The following ARHGEF33 variants were observed in gnomAD, a reference collection of about 807,000 sequenced individuals.
The protein encoded by ARHGEF33 is DH and coiled-coil domain-containing protein ENSP00000381780.
In ARHGEF33, 72 loss-of-function variants were observed where a neutral mutation model predicts 101.9. The observed-to-expected ratio is 0.71, with a 90% CI of 0.58 to 0.86. The LOEUF is 0.86. Among genes scored for constraint, ARHGEF33 ranks in the 40% least tolerant of loss-of-function variants. The probability of loss-of-function intolerance (pLI) is 0.00; values close to 1 mark genes in which losing one functional copy is unlikely to be tolerated. For missense variants in ARHGEF33, 1,169 were observed against 1,111.3 expected (o/e 1.05, Z -0.74); for synonymous variants, 499 against 442.5 (o/e 1.13, Z -1.60).
At chr2:38,901,827 A>G (rs1046280765) in intron 2 of ARHGEF33, among the ~76,000 whole-genome samples, 4 of 152,194 alleles carry the variant, frequency 2.6e-5, no homozygotes, top group African/African-American at 9.7e-5. Flanking sequence ...ATTAACAACT[A>G]GCATGAGGCC....
At chr2:38,952,016 A>G (rs1330943884) in intron 11 of ARHGEF33, among the ~76,000 whole-genome samples, 1 of 152,210 alleles carries the variant, frequency 6.6e-6, no homozygotes, top group Non-Finnish European at 1.5e-5. Flanking sequence ...TCTACAAGGA[A>G]TAGCTACTCA....
At chr2:38,932,087 A>G (rs1469074643) in intron 7 of ARHGEF33, among the ~76,000 whole-genome samples, 1 of 152,206 alleles carries the variant, frequency 6.6e-6, no homozygotes, top group Non-Finnish European at 1.5e-5. Flanking sequence ...TTTAACTGGC[A>G]TACTTCAAAG....
rs1294868486 is a variant in ARHGEF33 at position 38,929,026 on chromosome 2, G to C, written c.195G>C (p.Met65Ile). ...EEKVKSCRCSMEEKVTEMKNS... is the reference protein window; with the variant it reads ...EEKVKSCRCSIEEKVTEMKNS... ...AGGTTAAGAGCTGCAGATGTTCCAT[G>C]GAAGAAAAAGTTACTGAGATGAAGA... The change falls in exon 5 of 18, where the codon ATG becomes ATC. Residue 65 changes from methionine (M) to isoleucine (I), a missense_variant. Coordinates refer to ENST00000409978, the MANE Select transcript of ARHGEF33 (RefSeq NM_001145451.5). 2 of 1,550,742 alleles carry C rather than the reference G, an allele frequency of 1.3e-6. No homozygotes were observed. The highest frequency in any genetic ancestry group is 1.7e-6 in the Non-Finnish European group (2 of 1,146,452).
chr2:38,951,655 G>A (rs1352713990), intron 11 of ARHGEF33, among the ~76,000 whole-genome samples: 2 of 151,312 alleles, frequency 1.3e-5, no homozygotes, highest in African/African-American at 4.9e-5. Flanking sequence ...ATATGCATCT[G>A]TGTATATATA....
At chr2:38,943,372 AG>A (rs1667361557) in intron 9 of ARHGEF33, among the ~76,000 whole-genome samples, 1 of 152,188 alleles carries the variant, frequency 6.6e-6, no homozygotes, top group Non-Finnish European at 1.5e-5. Context: ...AAGAAGGCTG[AG>A]GGAAGTCTCA....
intron 10 of ARHGEF33, 67 bp from the exon 11 acceptor site, chr2:38,950,922 G>T (rs1667584157): frequency 6.9e-7 from 1 of 1,452,776 alleles, no homozygotes; most frequent in East Asian, 2.5e-5. Flanking sequence ...CCTGCTGCAT[G>T]TATTTTTGTA....
At chr2:38,931,878 T>C (rs1667012026) in intron 7 of ARHGEF33, among the ~76,000 whole-genome samples, 1 of 152,218 alleles carries the variant, frequency 6.6e-6, no homozygotes. Context: ...TTAACGTTGT[T>C]TAGATGACAT....
intron 6 of ARHGEF33, among the ~76,000 whole-genome samples, chr2:38,930,540 T>A (rs1666975010): frequency 6.6e-6 from 1 of 152,070 alleles, no homozygotes; most frequent in Admixed American, 6.6e-5. Context: ...GAAATGGGTT[T>A]CCTTATGTTT....
At chr2:38,890,033 C>T (rs1317796229) in intron 1 of ARHGEF33, 47 bp downstream of exon 1, 9 of 402,952 alleles carry the variant, frequency 2.2e-5, no homozygotes, top group Admixed American at 2.9e-5. Context: ...AAAGGGGAAA[C>T]AATTTTATAA....
intron 12 of ARHGEF33, 98 bp downstream of exon 12, chr2:38,953,343 C>G (rs1667660110): frequency 2.7e-6 from 2 of 750,350 alleles, no homozygotes; most frequent in Non-Finnish European, 4.7e-6. Flanking sequence ...ACTGTGCTTT[C>G]TAGGCTGGGG....
chr2:38,961,884 A>AG (rs1435233929), intron 16 of ARHGEF33, among the ~76,000 whole-genome samples: 22 of 151,632 alleles, frequency 1.5e-4, no homozygotes, highest in Non-Finnish European at 3.1e-4. Context: ...GGGAAGAGTG[A>AG]GGTAGGGAAG....
intron 2 of ARHGEF33, among the ~76,000 whole-genome samples, chr2:38,896,944 C>G (rs569547118): frequency 5.9e-5 from 9 of 152,104 alleles, no homozygotes; most frequent in Admixed American, 3.9e-4. Flanking sequence ...GAGACTGAGT[C>G]TCACTCTGTC....
chr2:38,966,182 T>C, intron 17 of ARHGEF33, 37 bp downstream of exon 17: 1 of 1,542,408 alleles, frequency 6.5e-7, no homozygotes, highest in Non-Finnish European at 8.7e-7. Flanking sequence ...TTGTAACTCA[T>C]TTCCCTTTGG....
chr2:38,893,157 C>CTT (rs11302987), intron 1 of ARHGEF33, among the ~76,000 whole-genome samples: 2 of 122,300 alleles, frequency 1.6e-5, no homozygotes, highest in South Asian at 2.6e-4. Flanking sequence ...TCTGGTAATC[C>CTT]TTTTTTTTTT....
At position 38,919,405 on chromosome 2, in the gene ARHGEF33, G is replaced by A. The variant is rs1666707288; in HGVS notation, c.-43G>A. The A allele has an allele frequency of 3.2e-6, 5 of 1,550,630 alleles. No homozygotes were observed. Among genetic ancestry groups the A allele is most frequent in the Non-Finnish European group, 4.4e-6 (5 of 1,146,114 alleles). On this transcript the variant is annotated 5_prime_UTR_variant, in exon 3 of 18. It removes an upstream start codon present in the reference 5' UTR. Transcript: ENST00000409978. ...TGGCCTGAGCCAGGACGATGAGGATGCAATGTTGAAGAATAAGCTGGAGAA... is the reference window on the plus strand; with the variant it reads ...TGGCCTGAGCCAGGACGATGAGGATACAATGTTGAAGAATAAGCTGGAGAA...
intron 11 of ARHGEF33, among the ~76,000 whole-genome samples, chr2:38,951,718 C>A (rs369749): frequency 0.79 from 119,995 of 152,038 alleles, 49,703 homozygotes; most frequent in Non-Finnish European, 0.91. Context: ...TATATATACA[C>A]ACATGAGATA....
intron 8 of ARHGEF33, among the ~76,000 whole-genome samples, chr2:38,936,394 C>T (rs1455956144): frequency 6.6e-6 from 1 of 152,176 alleles, no homozygotes; most frequent in Non-Finnish European, 1.5e-5. Flanking sequence ...TTTTGGCACC[C>T]TTCCTCCTCC....
intron 15 of ARHGEF33, chr2:38,959,557 G>A (rs761452386): frequency 3.8e-5 from 13 of 341,848 alleles, no homozygotes; most frequent in Middle Eastern, 1.5e-3. Context: ...CGCAGGTGGT[G>A]AGGAGGGTCA....
intron 17 of ARHGEF33, 118 bp downstream of exon 17, chr2:38,966,263 TG>T (rs1288069346): frequency 7.6e-7 from 1 of 1,308,972 alleles, no homozygotes; most frequent in Non-Finnish European, 1.0e-6. Flanking sequence ...TCAAGTACAG[TG>T]CCTGCACCCA....
Sources: gnomAD v4.1 joint callset for allele counts (sites outside exome capture counted in the v4.1 genomes callset) on GRCh38, gnomAD v4.1.1 for gene constraint, MANE v1.5 for transcripts, NCBI Gene and HGNC (gene_info 2026-07-23, HGNC 2026-07-21) for gene names.